FAP: variants seen among roughly 807,000 people sequenced by gnomAD.
FAP encodes the protein prolyl endopeptidase FAP.
In FAP, 110 loss-of-function variants were observed where a neutral mutation model predicts 126.5. That is an observed-to-expected ratio of 0.87 (90% CI 0.74 to 1.02). The LOEUF (loss-of-function observed/expected upper bound fraction) is 1.02, where lower values mean the gene tolerates loss of function less well. Ranked by LOEUF, FAP falls within the 50% of genes least tolerant of loss-of-function variation. FAP has a pLI of 0.00. For missense variants in FAP, 919 were observed against 909.2 expected (o/e 1.01, Z -0.14); for synonymous variants, 334 against 297.3 (o/e 1.12, Z -1.27).
rs1379144944 is a variant in FAP, at chr2:162,170,878, T to C, written c.*101A>G. ...TTAGAACAACATTAATTTGTTTGTT[T>C]ATACTAGCATTTTACAACATAAAAA... On this transcript the variant is annotated 3_prime_UTR_variant, in exon 26 of 26. Transcript: ENST00000188790. The C allele has an allele frequency of 2.4e-6, 2 of 849,138 alleles. No individual in the cohort carries two copies. Among genetic ancestry groups the C allele is most frequent in the Non-Finnish European group, 3.8e-6 (2 of 526,066 alleles). The allele number at this position is 849,138 out of a possible 1,614,324, so 52.6% of individuals were successfully genotyped here.
In FAP at chr2:162,181,392, C is replaced by G. The variant is rs570549935; in HGVS notation, c.1869+2022G>C. Among the ~76,000 whole-genome samples, 34 of 152,310 alleles carry G rather than the reference C, an allele frequency of 2.2e-4. No homozygotes were observed. In the South Asian group the frequency reaches 4.6e-3, roughly 20 times the overall value. On this transcript the variant is annotated intron_variant, in intron 21 of 25. Transcript: ENST00000188790. Reference sequence around the variant, plus strand: ...CTTTAGGTGGCCTAAAGACTATTATCTGTATACTTGCTTATTCAGACTCAT... The same window carrying G: ...CTTTAGGTGGCCTAAAGACTATTATGTGTATACTTGCTTATTCAGACTCAT...
chr2:162,231,409 A>G (rs1689897366), intron 2 of FAP, among the ~76,000 whole-genome samples: 1 of 152,198 alleles, frequency 6.6e-6, no homozygotes, highest in Admixed American at 6.5e-5. Flanking sequence ...TGACATCTAT[A>G]ATTTTTAAAT....
At chr2:162,200,937 T>C (rs531724253) in intron 14 of FAP, among the ~76,000 whole-genome samples, 27 of 152,330 alleles carry the variant, frequency 1.8e-4, no homozygotes, top group African/African-American at 6.5e-4. Flanking sequence ...AAGAACAGTT[T>C]ACCTGTTTCT....
At chr2:162,230,526 G>T (rs964195720) in intron 2 of FAP, among the ~76,000 whole-genome samples, 1 of 150,844 alleles carries the variant, frequency 6.6e-6, no homozygotes, top group African/African-American at 2.4e-5. Context: ...AATATTTGCT[G>T]AATTAAAAAA....
chr2:162,228,038 A>G (rs915625342), intron 2 of FAP, among the ~76,000 whole-genome samples: 3 of 152,156 alleles, frequency 2.0e-5, no homozygotes, highest in Non-Finnish European at 2.9e-5. Context: ...CTCCCTCTGT[A>G]TAATCAAAAC....
intron 2 of FAP, among the ~76,000 whole-genome samples, chr2:162,238,082 A>G (rs897056732): frequency 6.6e-6 from 1 of 151,202 alleles, no homozygotes; most frequent in South Asian, 2.1e-4. Context: ...AGTTCTTTGT[A>G]GATTCTGGAT....
chr2:162,242,452 A>G (rs193209868), intron 2 of FAP, among the ~76,000 whole-genome samples: 7 of 152,306 alleles, frequency 4.6e-5, no homozygotes, highest in Admixed American at 6.5e-5. Context: ...TGAGATCTGT[A>G]TTCTCAACTT....
At chr2:162,173,435 TTAC>T (rs1238767591) in intron 23 of FAP, among the ~76,000 whole-genome samples, 2 of 152,076 alleles carry the variant, frequency 1.3e-5, no homozygotes, top group African/African-American at 4.8e-5. Flanking sequence ...GTGTCATATG[TTAC>T]ATATGAGTGA....
chr2:162,192,763 A>G (rs1210047249), intron 17 of FAP, among the ~76,000 whole-genome samples: 1 of 152,148 alleles, frequency 6.6e-6, no homozygotes, highest in Non-Finnish European at 1.5e-5. Context: ...CCTGATCTCC[A>G]CAATGACTCC....
At chr2:162,177,585 C>T (rs896224633) in intron 21 of FAP, among the ~76,000 whole-genome samples, 2 of 152,160 alleles carry the variant, frequency 1.3e-5, no homozygotes, top group Admixed American at 6.5e-5. Context: ...AGTCAAATGT[C>T]ATCTCAAATG....
chr2:162,175,373 G>A (rs1687450447), intron 21 of FAP: 1 of 152,994 alleles, frequency 6.5e-6, no homozygotes. Context: ...AAATTTAAAT[G>A]TAAGATACAT....
chr2:162,198,649 A>G (rs896531438), intron 16 of FAP, 108 bp downstream of exon 16: 12 of 1,291,000 alleles, frequency 9.3e-6, no homozygotes, highest in African/African-American at 1.5e-5. Flanking sequence ...AGATTCTTAC[A>G]TATAACAAAT....
chr2:162,242,985 A>G lies in FAP; in HGVS notation c.14T>C (p.Val5Ala). 6.2e-7 allele frequency: 1 copy of G among 1,611,300 alleles called. No homozygotes were observed. ...GGTGGCAACTCCAAATACGATTTTT[A>G]CCCAAGTCTACATAAAATAAAGAGA... MKTW[V>A]KIVFGVATSA... The change falls in exon 2 of 26, where the codon GTA (valine) becomes GCA (alanine). Residue 5 changes from valine (V) to alanine (A), a missense_variant. Coordinates refer to ENST00000188790, the MANE Select transcript of FAP (RefSeq NM_004460.5).
rs1435869980 is a variant in FAP, at chr2:162,217,576, C to CT, written c.762+409dup. Among the ~76,000 whole-genome samples, 2 of 152,150 alleles carry CT rather than the reference C, an allele frequency of 1.3e-5. 1 individual carries two copies. The highest frequency in any genetic ancestry group is 6.3e-3 in the Middle Eastern group (2 of 316). ...ATCCAGAAAGGACCATAACCCATGC[C>CT]TGCTTCTACCTGACAGGAACATCAA... On this transcript the variant is annotated intron_variant, in intron 9 of 25. Transcript: ENST00000188790.
Position 162,226,524 on chromosome 2 carries a change from T to G in FAP, c.189A>C (p.Ser63=). The change falls in exon 3 of 26, where the codon TCA becomes TCC. Residue 63 remains serine (S), a splice_region_variant and synonymous_variant. Transcript: ENST00000188790. ...CCTAAAGATAAATAATGCACTTACCTGAAATCCAGTTTGGAAAAAATGTTT... is the reference window on the plus strand; with the variant it reads ...CCTAAAGATAAATAATGCACTTACCGGAAATCCAGTTTGGAAAAAATGTTT... ...SYKTFFPNWI[S]GQEYLHQSAD... is the part of the protein sequence containing the mutation. 6.5e-7 allele frequency: 1 copy of G among 1,529,332 alleles called. No individual in the cohort carries two copies. Among genetic ancestry groups the G allele is most frequent in the Non-Finnish European group, 9.0e-7 (1 of 1,113,926 alleles). 94.7% of individuals were successfully genotyped at this position (1,529,332 alleles called of 1,614,324 possible).
chr2:162,236,735 G>A (rs1303110920), intron 2 of FAP, among the ~76,000 whole-genome samples: 1 of 152,146 alleles, frequency 6.6e-6, no homozygotes, highest in African/African-American at 2.4e-5. Flanking sequence ...AGCCTCCTGA[G>A]TAGCAGAGGT....
At chr2:162,227,155 T>C (rs1428862598) in intron 2 of FAP, among the ~76,000 whole-genome samples, 1 of 152,134 alleles carries the variant, frequency 6.6e-6, no homozygotes, top group Non-Finnish European at 1.5e-5. Flanking sequence ...AACCCTTACC[T>C]TCAGAAATCT....
At chr2:162,202,848 C>T (rs1416349545) in intron 14 of FAP, 24 bp downstream of exon 14, 4 of 1,581,574 alleles carry the variant, frequency 2.5e-6, no homozygotes, top group Non-Finnish European at 3.5e-6. Flanking sequence ...CTGAATGGTG[C>T]ATCGTGCTTC....
At chr2:162,214,840 C>T (rs1451980384) in intron 10 of FAP, among the ~76,000 whole-genome samples, 1 of 151,976 alleles carries the variant, frequency 6.6e-6, no homozygotes, top group Non-Finnish European at 1.5e-5. Context: ...AATAATATTA[C>T]CTATTTTAAA....
Sources: gnomAD v4.1 joint callset for allele counts (sites outside exome capture counted in the v4.1 genomes callset) on GRCh38, gnomAD v4.1.1 for gene constraint, MANE v1.5 for transcripts, NCBI Gene and HGNC (gene_info 2026-07-23, HGNC 2026-07-21) for gene names.